The following FGF9 variants were observed in gnomAD, a reference collection of about 807,000 sequenced individuals.
FGF9 encodes the protein fibroblast growth factor 9 (glia-activating factor).
A neutral mutation model predicts 19.9 loss-of-function variants in FGF9; 3 were observed. The ratio of observed to expected loss-of-function variants is 0.15; its 90% CI spans 0.07 to 0.39. The LOEUF is 0.39. FGF9 is among the 10% of genes least tolerant of loss of function. The probability of loss-of-function intolerance (pLI) is 1.00; values close to 1 mark genes in which losing one functional copy is unlikely to be tolerated. For synonymous variants in FGF9, 107 were observed against 106.9 expected, an observed-to-expected ratio of 1.00 and a Z score of -0.01; for missense variants, 175 against 256.8, an observed-to-expected ratio of 0.68 and a Z score of 2.18.
intron 2 of FGF9, among the ~76,000 whole-genome samples, chr13:21,695,302 A>G (rs1872382576): frequency 6.6e-6 from 1 of 152,088 alleles, no homozygotes; most frequent in Admixed American, 6.5e-5. Context: ...AAAATGGCCT[A>G]CCTACTTGGT....
At chr13:21,676,965 G>T (rs1334344805) in intron 1 of FGF9, among the ~76,000 whole-genome samples, 1 of 152,190 alleles carries the variant, frequency 6.6e-6, no homozygotes, top group Non-Finnish European at 1.5e-5. Context: ...TGAGTCTGGG[G>T]CAATGAGGAA....
Position 21,701,199 on chromosome 13 carries a change from A to T in FGF9, c.391A>T (p.Thr131Ser). Residue 131 changes from threonine to serine, a missense_variant, in exon 3 of 3, where the codon ACC (threonine) becomes TCC (serine). Around this residue, in one of 3 missense-constraint regions of FGF9, gnomAD observed 101 missense variants for 160.7 expected, o/e 0.63. Coordinates refer to ENST00000382353, the MANE Select transcript of FGF9 (RefSeq NM_002010.3). Reference protein sequence around the residue: ...KGELYGSEKLTQECVFREQFE... With the variant: ...KGELYGSEKLSQECVFREQFE... ...CTTTTTCTTTTTACAGGAAAAACTA[A>T]CCCAAGAGTGTGTATTCAGAGAACA... The T allele has an allele frequency of 1.2e-6, 2 of 1,613,640 alleles. No homozygotes were observed. The highest frequency in any genetic ancestry group is 1.7e-6 in the Non-Finnish European group (2 of 1,179,730).
intron 2 of FGF9, among the ~76,000 whole-genome samples, chr13:21,697,524 G>C (rs993491810): frequency 2.6e-5 from 4 of 152,176 alleles, no homozygotes; most frequent in African/African-American, 9.7e-5. Flanking sequence ...CTAATAGCCT[G>C]CTAGGGAAAT....
intron 2 of FGF9, among the ~76,000 whole-genome samples, chr13:21,683,054 T>C (rs1225990243): frequency 2.6e-5 from 4 of 152,138 alleles, no homozygotes; most frequent in South Asian, 4.1e-4. Flanking sequence ...GAAACCTAAA[T>C]AGGGCCCTAC....
chr13:21,698,857 C>T (rs1190870483), intron 2 of FGF9, among the ~76,000 whole-genome samples: 1 of 152,158 alleles, frequency 6.6e-6, no homozygotes, highest in Non-Finnish European at 1.5e-5. Context: ...ACTAAAAGCT[C>T]ATCCAATCCC....
intron 2 of FGF9, among the ~76,000 whole-genome samples, chr13:21,688,949 A>G (rs1457087175): frequency 2.0e-5 from 3 of 152,214 alleles, no homozygotes; most frequent in Non-Finnish European, 4.4e-5. Flanking sequence ...CCAAGCTAGT[A>G]TAGAACACAG....
At position 21,671,788 on chromosome 13, in the gene FGF9, C is replaced by CTTT. The variant is rs10624265; in HGVS notation, c.-119_-117dup. ...CATTTAATGGATTGAAGAAAAGAAC[C>CTTT]TTTTTTTTCTCTCTCTCTCTGCAAC... is the stretch of plus-strand genomic sequence containing the variant. On this transcript the variant is annotated 5_prime_UTR_variant, in exon 1 of 3. Coordinates refer to ENST00000382353, the MANE Select transcript of FGF9 (RefSeq NM_002010.3). 1.2e-3 allele frequency: 1,233 copies of CTTT among 1,058,586 alleles called. 1 individual carries two copies. The highest frequency in any genetic ancestry group is 1.5e-3 in the Non-Finnish European group (1,037 of 701,502). The allele number at this position is 1,058,586 out of a possible 1,614,324, so 65.6% of individuals were successfully genotyped here.
intron 2 of FGF9, among the ~76,000 whole-genome samples, chr13:21,682,852 C>T (rs1304524518): frequency 6.6e-6 from 1 of 151,670 alleles, no homozygotes; most frequent in African/African-American, 2.4e-5. Context: ...TTTTTGATCA[C>T]GTATCCCCAC....
chr13:21,685,271 C>T (rs9509833), intron 2 of FGF9, among the ~76,000 whole-genome samples: 56,511 of 151,616 alleles, frequency 0.37, 10,675 homozygotes, highest in East Asian at 0.44. Flanking sequence ...AAATCACTTT[C>T]GTAAAGTAAA....
intron 2 of FGF9, among the ~76,000 whole-genome samples, chr13:21,697,898 C>T (rs1024192735): frequency 2.6e-5 from 4 of 151,858 alleles, no homozygotes; most frequent in African/African-American, 7.3e-5. Context: ...GCTCCGCCCT[C>T]CCGGGTTCAC....
At chr13:21,676,865 G>A (rs1871928234) in intron 1 of FGF9, among the ~76,000 whole-genome samples, 1 of 152,180 alleles carries the variant, frequency 6.6e-6, no homozygotes, top group Non-Finnish European at 1.5e-5. Flanking sequence ...CAGCACAGAT[G>A]GGCTCTAGGG....
In FGF9 at chr13:21,701,709, ATGTGTG is replaced by A. The variant is rs61706549; in HGVS notation, c.*300_*305del. On this transcript the variant is annotated 3_prime_UTR_variant, in exon 3 of 3. Transcript: ENST00000382353. ...GAGACTGAGCGCTAGGAGTGTGTGTATGTGTGTGTGTGTGTGTGTGTGTGTGTGTGT... is the reference window on the plus strand; with the variant it reads ...GAGACTGAGCGCTAGGAGTGTGTGTATGTGTGTGTGTGTGTGTGTGTGTGT... 1.1e-3 allele frequency: 381 copies of A among 357,744 alleles called. 1 individual carries two copies. Among genetic ancestry groups the A allele is most frequent in the African/African-American group, 4.5e-3 (205 of 45,116 alleles). The allele number at this position is 357,744 out of a possible 1,614,324, so 22.2% of individuals were successfully genotyped here. A position where few individuals can be genotyped will look rare whatever the true frequency, so the allele number is the denominator to read the frequency against.
chr13:21,696,239 TAA>T (rs1157308759), intron 2 of FGF9, among the ~76,000 whole-genome samples: 1 of 152,244 alleles, frequency 6.6e-6, no homozygotes, highest in Non-Finnish European at 1.5e-5. Context: ...TAGGATTTGG[TAA>T]AAGTTTTGAA....
Position 21,671,803 on chromosome 13 carries a change from C to A in FGF9, c.-110C>A. 1.6e-6 allele frequency: 2 copies of A among 1,232,936 alleles called. No homozygotes were observed. The highest frequency in any genetic ancestry group is 1.3e-5 in the South Asian group (1 of 79,396). 76.4% of individuals were successfully genotyped at this position (1,232,936 alleles called of 1,614,324 possible). A position where few individuals can be genotyped will look rare whatever the true frequency, so the allele number is the denominator to read the frequency against. ...AGAAAAGAACCTTTTTTTTCTCTCT[C>A]TCTCTGCAACTGCAGTAAGGGAGGG... is the stretch of plus-strand genomic sequence containing the variant. On this transcript the variant is annotated 5_prime_UTR_variant, in exon 1 of 3. Coordinates refer to ENST00000382353, the MANE Select transcript of FGF9 (RefSeq NM_002010.3).
At position 21,701,507 on chromosome 13, in the gene FGF9, T is replaced by C; in HGVS notation, c.*72T>C. The C allele has an allele frequency of 6.2e-7, 1 of 1,605,512 alleles. No homozygotes were observed. The highest frequency in any genetic ancestry group is 8.5e-7 in the Non-Finnish European group (1 of 1,173,110). On this transcript the variant is annotated 3_prime_UTR_variant, in exon 3 of 3. Coordinates refer to ENST00000382353, the MANE Select transcript of FGF9 (RefSeq NM_002010.3). ...AAGGTTTCACGCGGTGGGTTCTTAT[T>C]GATTCGCTGTGTCATCACATCAGCT...
intron 2 of FGF9, among the ~76,000 whole-genome samples, chr13:21,686,410 C>T (rs1872159247): frequency 6.6e-6 from 1 of 152,174 alleles, no homozygotes; most frequent in African/African-American, 2.4e-5. Context: ...AAATTAATCT[C>T]CTTCAAGAAG....
At chr13:21,690,888 G>T (rs773939301) in intron 2 of FGF9, among the ~76,000 whole-genome samples, 2 of 152,216 alleles carry the variant, frequency 1.3e-5, no homozygotes, top group Non-Finnish European at 2.9e-5. Flanking sequence ...GTTGCTAAGC[G>T]CAAGAAGGCT....
intron 2 of FGF9, among the ~76,000 whole-genome samples, chr13:21,692,790 C>T (rs190343771): frequency 2.6e-5 from 4 of 152,154 alleles, no homozygotes; most frequent in African/African-American, 4.8e-5. Flanking sequence ...ACACAGCCTC[C>T]GAAGATAAAT....
intron 2 of FGF9, among the ~76,000 whole-genome samples, chr13:21,684,126 A>C (rs947292502): frequency 1.3e-5 from 2 of 152,196 alleles, no homozygotes; most frequent in African/African-American, 4.8e-5. Context: ...CTTTATTTAA[A>C]TTCAATGGAA....
Sources: allele counts gnomAD v4.1 joint callset (sites outside exome capture counted in the v4.1 genomes callset), GRCh38; gene constraint gnomAD v4.1.1; regional missense constraint gnomAD v4.1.1; transcripts MANE v1.5; gene names NCBI Gene and HGNC (gene_info 2026-07-23, HGNC 2026-07-21).